Variants in PDE1C observed in about 807,000 individuals in gnomAD.
The protein encoded by PDE1C is dual specificity calcium/calmodulin-dependent 3',5'-cyclic nucleotide phosphodiesterase 1C.
In PDE1C, 62 loss-of-function variants were observed where a neutral mutation model predicts 93.1. The observed-to-expected ratio is 0.67, with a 90% confidence interval of 0.54 to 0.82. The LOEUF is 0.82. PDE1C is among the 40% of genes least tolerant of loss of function. The probability of loss-of-function intolerance (pLI) is 0.00; values close to 1 mark genes in which losing one functional copy is unlikely to be tolerated. For missense variants in PDE1C, 742 were observed against 884.6 expected (o/e 0.84, Z 2.04); for synonymous variants, 325 against 310.1 (o/e 1.05, Z -0.50).
chr7:31,786,106 G>A (rs1296916404), intron 16 of PDE1C: 2 of 152,184 alleles, frequency 1.3e-5, no homozygotes, highest in African/African-American at 4.8e-5. Flanking sequence ...TGGTGGAGCA[G>A]AACTATGCAG....
In PDE1C at chr7:31,876,156, G is replaced by C. The variant is rs563156394; in HGVS notation, c.492+1814C>G. Among the ~76,000 whole-genome samples the C allele has an allele frequency of 2.6e-5, 4 of 152,112 alleles. No individual in the cohort carries two copies. In the South Asian group the frequency reaches 8.3e-4, roughly 32 times the overall value. On this transcript the variant is annotated intron_variant, in intron 5 of 17. Transcript: ENST00000396191. ...CTCCAACTCATTGCAAACAAAATCAGCCTCTGGAGAAGTGGAAAAAACATT... is the reference window on the plus strand; with the variant it reads ...CTCCAACTCATTGCAAACAAAATCACCCTCTGGAGAAGTGGAAAAAACATT...
chr7:31,879,268 G>T, intron 3 of PDE1C, 90 bp from the exon 4 acceptor site: 2 of 1,239,084 alleles, frequency 1.6e-6, no homozygotes, highest in Non-Finnish European at 2.2e-6. Flanking sequence ...TGCCTCACCT[G>T]CATGTTAGGT....
chr7:32,300,144 T>G (rs1812846648), upstream of PDE1C, among the ~76,000 whole-genome samples: 1 of 152,130 alleles, frequency 6.6e-6, no homozygotes. Flanking sequence ...ACATACAACT[T>G]CAGGGGGCCC....
intron 2 of PDE1C, among the ~76,000 whole-genome samples, chr7:31,929,608 T>C (rs182523458): frequency 2.6e-5 from 4 of 152,038 alleles, no homozygotes; most frequent in Admixed American, 2.0e-4. Flanking sequence ...TGCAATCAAA[T>C]TAGAACTCAG....
chr7:31,804,627 TTTTC>T (rs1167173763), intron 16 of PDE1C, among the ~76,000 whole-genome samples: 3 of 151,872 alleles, frequency 2.0e-5, no homozygotes, highest in Admixed American at 2.0e-4. Context: ...GTATAATTTT[TTTTC>T]TTTCTTTATT....
chr7:32,137,980 A>T (rs1800303673), intron 3 of PDE1C, among the ~76,000 whole-genome samples: 1 of 152,144 alleles, frequency 6.6e-6, no homozygotes, highest in African/African-American at 2.4e-5. Context: ...TTACTTATGG[A>T]TTGAGTCCAT....
intron 2 of PDE1C, among the ~76,000 whole-genome samples, chr7:32,048,230 A>T (rs938676832): frequency 3.3e-5 from 5 of 152,212 alleles, no homozygotes; most frequent in African/African-American, 1.2e-4. Context: ...GAAATTTTTT[A>T]AAACACTTCT....
At position 32,374,218 on chromosome 7, in the gene PDE1C, GGGA is replaced by G. The variant is rs1784385376; in HGVS notation, c.310+53601_310+53603del. ...AGAGAGGGAAAGAGAGGGAAAGAAA[GGGA>G]AAGAAAGAAAAAGAAAGAAGGAAGG... is the stretch of plus-strand genomic sequence containing the variant. On this transcript the variant is annotated intron_variant, in intron 1 of 1. Transcript: ENST00000672256. 1.9e-3 allele frequency among the ~76,000 whole-genome samples: 249 copies of G among 132,014 alleles called. 1 individual carries two copies. Among genetic ancestry groups the G allele is most frequent in the African/African-American group, 6.9e-3 (235 of 34,146 alleles). 86.6% of individuals were successfully genotyped at this position (132,014 alleles called of 152,430 possible). A position where few individuals can be genotyped will look rare whatever the true frequency, so the allele number is the denominator to read the frequency against.
chr7:32,155,403 T>C (rs1801508246), intron 3 of PDE1C, among the ~76,000 whole-genome samples: 1 of 152,234 alleles, frequency 6.6e-6, no homozygotes, highest in Non-Finnish European at 1.5e-5. Flanking sequence ...ACACAATCTC[T>C]AGTCAGGTTA....
rs35511007 is a variant in PDE1C, at chr7:31,834,920, A to G, written c.1203+2260T>C. Among the ~76,000 whole-genome samples the G allele has an allele frequency of 9.5e-3, 1,443 of 152,208 alleles. 11 individuals are homozygous for G. Among genetic ancestry groups the G allele is most frequent in the Admixed American group, 0.013 (203 of 15,292 alleles). On this transcript the variant is annotated intron_variant, in intron 11 of 17. Transcript: ENST00000396191. ...AATCTCATCTTAAATTGTAGCTCCC[A>G]TAATTCCCACATGTTGTGGGATGAA...
chr7:31,978,791 C>G (rs1812000906), intron 2 of PDE1C, among the ~76,000 whole-genome samples: 2 of 152,108 alleles, frequency 1.3e-5, no homozygotes, highest in South Asian at 4.1e-4. Context: ...AAAAGAGGAC[C>G]AGGACATGTT....
At chr7:32,156,364 T>C (rs1311495086) in intron 3 of PDE1C, among the ~76,000 whole-genome samples, 1 of 152,328 alleles carries the variant, frequency 6.6e-6, no homozygotes, top group East Asian at 1.9e-4. Context: ...CTCCCACTTA[T>C]GAGTGTTTTC....
the PDE1C span, among the ~76,000 whole-genome samples, chr7:31,682,384 T>C: frequency 2.0e-5 from 3 of 152,174 alleles, no homozygotes; most frequent in Non-Finnish European, 4.4e-5. Flanking sequence ...ATGTTCAAAA[T>C]CATTAGCCAT....
chr7:31,640,571 G>A, the PDE1C span, among the ~76,000 whole-genome samples: 1 of 152,130 alleles, frequency 6.6e-6, no homozygotes, highest in African/African-American at 2.4e-5. Flanking sequence ...TAACTATAGG[G>A]TTCAGATCAC....
chr7:32,000,912 A>G (rs1785374901), intron 2 of PDE1C, among the ~76,000 whole-genome samples: 2 of 152,190 alleles, frequency 1.3e-5, no homozygotes, highest in South Asian at 4.1e-4. Flanking sequence ...CATCCCTGAA[A>G]AGGACTACTA....
rs139583185 is a variant in PDE1C at position 32,389,714 on chromosome 7, A to C, written c.310+38108T>G. Among the ~76,000 whole-genome samples the C allele has an allele frequency of 3.3e-3, 509 of 152,340 alleles. 5 individuals carry two copies. Among genetic ancestry groups the C allele is most frequent in the African/African-American group, 0.011 (478 of 41,586 alleles). ...AGTAACCTACAGGCAGAATGATACT[A>C]ATAATAGCATCTGTTAAGTAATGAC... On this transcript the variant is annotated intron_variant, in intron 1 of 1. Transcript: ENST00000672256.
intron 2 of PDE1C, among the ~76,000 whole-genome samples, chr7:32,002,639 A>G (rs1785626960): frequency 6.6e-6 from 1 of 152,206 alleles, no homozygotes; most frequent in Admixed American, 6.5e-5. Flanking sequence ...ATAGCCAGAG[A>G]ATAAACACAA....
chr7:32,271,319 C>T (rs1300217515), intron 1 of PDE1C, among the ~76,000 whole-genome samples: 1 of 152,188 alleles, frequency 6.6e-6, no homozygotes, highest in Admixed American at 6.5e-5. Flanking sequence ...AACTTCAGCA[C>T]ATATTATTGT....
rs376862939 is a variant in PDE1C, at chr7:32,161,552, T to C, written c.308+8233A>G. Among the ~76,000 whole-genome samples, 10 of 152,046 alleles carry C rather than the reference T, an allele frequency of 6.6e-5. 3 individuals are homozygous for C. ...CCCCATACTGACCCCCAGGGGTAGTTTGGTCCAAGCTGATCTCAAATCTTC... is the reference window on the plus strand; with the variant it reads ...CCCCATACTGACCCCCAGGGGTAGTCTGGTCCAAGCTGATCTCAAATCTTC... On this transcript the variant is annotated intron_variant, in intron 3 of 18. Coordinates refer to the PDE1C transcript ENST00000396193.
Sources: gnomAD v4.1 joint callset for allele counts (sites outside exome capture counted in the v4.1 genomes callset) on GRCh38, gnomAD v4.1.1 for gene constraint, MANE v1.5 for transcripts, NCBI Gene and HGNC (gene_info 2026-07-23, HGNC 2026-07-21) for gene names.